Variants in HERC3 observed in about 807,000 individuals in gnomAD.
HERC3 encodes probable E3 ubiquitin-protein ligase HERC3.
HERC3 carries 58 observed loss-of-function variants against 129.9 expected under a neutral mutation model. That is an observed-to-expected ratio of 0.45 (90% CI 0.36 to 0.56). HERC3 has a LOEUF of 0.56. Among genes scored for constraint, HERC3 ranks in the 20% least tolerant of loss-of-function variants. The pLI, the probability that HERC3 is intolerant of heterozygous loss-of-function variation, is 0.00. For synonymous variants in HERC3, 430 were observed against 451.0 expected, an observed-to-expected ratio of 0.95 and a Z score of 0.59; for missense variants, 835 against 1,244.2, an observed-to-expected ratio of 0.67 and a Z score of 4.95.
the HERC3 span, among the ~76,000 whole-genome samples, chr4:88,576,883 A>G: frequency 1.4e-4 from 21 of 152,144 alleles, no homozygotes; most frequent in African/African-American, 5.1e-4. Flanking sequence ...TCCCCTCCAC[A>G]AAATTTTGTA....
intron 3 of HERC3, among the ~76,000 whole-genome samples, chr4:88,619,967 G>A (rs1208329280): frequency 1.3e-5 from 2 of 152,216 alleles, no homozygotes; most frequent in Non-Finnish European, 2.9e-5. Flanking sequence ...TGATTGAGCA[G>A]GTGTGAGCTG....
rs149193367 is a variant in HERC3, at chr4:88,608,673, G to A, written c.226+2624G>A. Among the ~76,000 whole-genome samples the A allele has an allele frequency of 6.8e-3, 1,042 of 152,280 alleles. 7 individuals carry two copies. Among genetic ancestry groups the A allele is most frequent in the Non-Finnish European group, 0.011 (732 of 68,024 alleles). On this transcript the variant is annotated intron_variant, in intron 3 of 25. Coordinates refer to ENST00000402738, the MANE Select transcript of HERC3 (RefSeq NM_014606.3). ...CATACTGGAACAGATTAAAAACCAA[G>A]TCTTCTTTCTTTTCCTCCTGTTAAA...
In HERC3 at chr4:88,640,409, A is replaced by T. The variant is rs192769674; in HGVS notation, c.227-9431A>T. Among the ~76,000 whole-genome samples, 44 of 152,350 alleles carry T rather than the reference A, an allele frequency of 2.9e-4. No homozygotes were observed. In the East Asian group the frequency reaches 7.7e-3, roughly 27 times the overall value. ...CTATGCAGCCATGAAAAGGAATGAG[A>T]TCATGTCCTTTGTCAGGACATTGAT... is the stretch of plus-strand genomic sequence containing the variant. On this transcript the variant is annotated intron_variant, in intron 3 of 25. Coordinates refer to ENST00000402738, the MANE Select transcript of HERC3 (RefSeq NM_014606.3).
intron 11 of HERC3, among the ~76,000 whole-genome samples, chr4:88,663,486 T>C (rs764470886): frequency 6.1e-4 from 93 of 152,234 alleles, no homozygotes; most frequent in Non-Finnish European, 1.1e-3. Context: ...ATGGAAGACA[T>C]GATCTTTAAA....
intron 3 of HERC3, among the ~76,000 whole-genome samples, chr4:88,632,701 A>G (rs1726909675): frequency 6.6e-6 from 1 of 152,250 alleles, no homozygotes; most frequent in African/African-American, 2.4e-5. Context: ...ATCAGTAGAA[A>G]TTATGCAGTC....
chr4:88,689,003 G>A lies in HERC3; in HGVS notation c.2657+1704G>A, dbSNP rs115195291. 8.0e-3 allele frequency among the ~76,000 whole-genome samples: 1,221 copies of A among 152,238 alleles called. 15 individuals are homozygous for A. Among genetic ancestry groups the A allele is most frequent in the African/African-American group, 0.027 (1,116 of 41,538 alleles). On this transcript the variant is annotated intron_variant, in intron 23 of 25. Coordinates refer to ENST00000402738, the MANE Select transcript of HERC3 (RefSeq NM_014606.3). ...TCTTTGGAAGCCTTTAGAGAGGAAA[G>A]CAAGGTTTCATTTAAGCTATGAAAA...
intron 3 of HERC3, among the ~76,000 whole-genome samples, chr4:88,639,682 G>A (rs1265903909): frequency 6.6e-6 from 1 of 152,180 alleles, no homozygotes; most frequent in African/African-American, 2.4e-5. Context: ...CATGGGCAAG[G>A]ACTTTATGAC....
intron 3 of HERC3, among the ~76,000 whole-genome samples, chr4:88,610,945 T>A (rs1371258254): frequency 1.3e-5 from 2 of 152,206 alleles, no homozygotes; most frequent in African/African-American, 4.8e-5. Flanking sequence ...CTGGGTCAGC[T>A]GGCCCTCAGT....
At chr4:88,611,304 T>C (rs1426481553) in intron 3 of HERC3, among the ~76,000 whole-genome samples, 1 of 152,200 alleles carries the variant, frequency 6.6e-6, no homozygotes, top group Non-Finnish European at 1.5e-5. Context: ...AAGAAGAGAA[T>C]GAACTTGTTT....
intron 3 of HERC3, 29 bp downstream of exon 3, chr4:88,606,078 T>C (rs1309543222): frequency 3.2e-6 from 5 of 1,561,186 alleles, no homozygotes; most frequent in Non-Finnish European, 4.4e-6. Context: ...TCTTGATTAT[T>C]GGTGAGAATG....
intron 1 of HERC3, 108 bp downstream of exon 1, chr4:88,592,682 G>A (rs1373079717): frequency 6.6e-6 from 1 of 152,414 alleles, no homozygotes; most frequent in Non-Finnish European, 1.5e-5. Context: ...CTCCCGGAGG[G>A]GCGGCTGCGG....
chr4:88,654,192 CTTGA>C, intron 7 of HERC3, 59 bp downstream of exon 7: 1 of 1,185,016 alleles, frequency 8.4e-7, no homozygotes, highest in Admixed American at 1.7e-5. Flanking sequence ...ATTAGAATTG[CTTGA>C]TTATGTTAGT....
At chr4:88,634,502 C>T (rs993932572) in intron 3 of HERC3, among the ~76,000 whole-genome samples, 10 of 152,114 alleles carry the variant, frequency 6.6e-5, no homozygotes, top group African/African-American at 2.4e-4. Context: ...AGGCCTGAAC[C>T]CCTAGGGGGA....
At chr4:88,654,445 TA>T (rs1729664094) in intron 7 of HERC3, among the ~76,000 whole-genome samples, 1 of 145,100 alleles carries the variant, frequency 6.9e-6, no homozygotes, top group African/African-American at 2.5e-5. Context: ...GTAGATTATA[TA>T]AAAATGTAGA....
the HERC3 span, among the ~76,000 whole-genome samples, chr4:88,565,923 A>AT: frequency 1.6e-4 from 24 of 150,140 alleles, no homozygotes; most frequent in Non-Finnish European, 2.1e-4. Context: ...CTTGCTTTTT[A>AT]TTTTTTGTGT....
chr4:88,603,563 A>G (rs1011907628), intron 2 of HERC3, among the ~76,000 whole-genome samples: 5 of 152,174 alleles, frequency 3.3e-5, no homozygotes, highest in African/African-American at 1.2e-4. Flanking sequence ...TTTATAAGGC[A>G]TGCTTGGGAT....
At chr4:88,686,941 C>G in intron 22 of HERC3, 139 bp downstream of exon 22, 1 of 713,722 alleles carries the variant, frequency 1.4e-6, no homozygotes, top group Non-Finnish European at 2.4e-6. Context: ...GTCATAGTGT[C>G]TTGAGTGTTA....
chr4:88,658,500 T>C lies in HERC3; in HGVS notation c.1146+9T>C. 1 of 1,517,080 alleles carries C rather than the reference T, an allele frequency of 6.6e-7. No individual in the cohort carries two copies. The highest frequency in any genetic ancestry group is 1.4e-5 in the African/African-American group (1 of 72,680). The allele number at this position is 1,517,080 out of a possible 1,614,324, so 94.0% of individuals were successfully genotyped here. A position where few individuals can be genotyped will look rare whatever the true frequency, so the allele number is the denominator to read the frequency against. ...TTTGCTCCAAATACGAGGTAAAATTTTTCTTGTGACTCTTATTTCCAGGAA... is the reference window on the plus strand; with the variant it reads ...TTTGCTCCAAATACGAGGTAAAATTCTTCTTGTGACTCTTATTTCCAGGAA... On this transcript the variant is annotated intron_variant, in intron 10 of 25. Coordinates refer to ENST00000402738, the MANE Select transcript of HERC3 (RefSeq NM_014606.3).
the HERC3 span, among the ~76,000 whole-genome samples, chr4:88,561,612 C>T: frequency 6.6e-6 from 1 of 152,090 alleles, no homozygotes; most frequent in Non-Finnish European, 1.5e-5. Context: ...CTTATTCATT[C>T]TAGCTACATT....
Sources: allele counts gnomAD v4.1 joint callset (sites outside exome capture counted in the v4.1 genomes callset), GRCh38; gene constraint gnomAD v4.1.1; transcripts MANE v1.5; gene names NCBI Gene and HGNC (gene_info 2026-07-23, HGNC 2026-07-21).